Variants in GALNT16 observed in about 807,000 individuals in gnomAD.
GALNT16 encodes UDP-GalNAc:polypeptide N-acetylgalactosaminyltransferase-like protein 1.
Under a neutral mutation model 76.1 loss-of-function variants are expected in GALNT16, and 40 were observed. The ratio of observed to expected loss-of-function variants is 0.53; its 90% CI spans 0.41 to 0.68. GALNT16 has a LOEUF of 0.68. Among genes scored for constraint, GALNT16 ranks in the 30% least tolerant of loss-of-function variants. The pLI is 0.00. For missense variants in GALNT16, 621 were observed against 731.9 expected (o/e 0.85, Z 1.75); for synonymous variants, 276 against 285.2 (o/e 0.97, Z 0.32).
the GALNT16 span, among the ~76,000 whole-genome samples, chr14:69,365,405 C>T: frequency 6.6e-6 from 1 of 152,134 alleles, no homozygotes; most frequent in African/African-American, 2.4e-5. Flanking sequence ...GGCATTGGGT[C>T]TGGCACATGG....
chr14:69,322,199 C>T (rs760629788), intron 2 of GALNT16, among the ~76,000 whole-genome samples: 1 of 152,356 alleles, frequency 6.6e-6, no homozygotes, highest in South Asian at 2.1e-4. Context: ...ACTCCTGCTT[C>T]GCGGCAAGGA....
At position 69,333,814 on chromosome 14, in the gene GALNT16, G is replaced by C. The variant is rs757310099; in HGVS notation, c.967+214G>C. 1.9e-6 allele frequency: 1 copy of C among 529,714 alleles called. No homozygotes were observed. The highest frequency in any genetic ancestry group is 3.3e-6 in the Non-Finnish European group (1 of 303,286). 32.8% of individuals were successfully genotyped at this position (529,714 alleles called of 1,614,324 possible). On this transcript the variant is annotated intron_variant, in intron 9 of 14. Transcript: ENST00000448469. The surrounding 1 kb of genome is among the most constrained non-coding windows in gnomAD (Gnocchi z 4.2). ...ACAGAGAAGTTAAGCAATTTGTCCA[G>C]AGCCACACAGCTAGTAAACAAAGAG...
chr14:69,285,010 T>TC (rs1251829462), intron 1 of GALNT16, among the ~76,000 whole-genome samples: 1 of 151,044 alleles, frequency 6.6e-6, no homozygotes, highest in Non-Finnish European at 1.5e-5. Flanking sequence ...TAAACTTCTT[T>TC]CCTTTATATG....
At chr14:69,290,777 A>G (rs2044678521) in intron 1 of GALNT16, among the ~76,000 whole-genome samples, 1 of 152,210 alleles carries the variant, frequency 6.6e-6, no homozygotes, top group Non-Finnish European at 1.5e-5. Context: ...AGTGTGGCGA[A>G]TGGAAATGCT....
At position 69,325,933 on chromosome 14, in the gene GALNT16, T is replaced by G. The variant is rs769884048; in HGVS notation, c.503-29T>G. The G allele has an allele frequency of 3.1e-6, 5 of 1,597,872 alleles. No individual in the cohort carries two copies. In the South Asian group the frequency reaches 3.3e-5, roughly 11 times the overall value. ...TAGTGGCCTGATGCCCATGTCTAAATGAGCTTGCCTTCCTCTTTGCATCCT... is the reference window on the plus strand; with the variant it reads ...TAGTGGCCTGATGCCCATGTCTAAAGGAGCTTGCCTTCCTCTTTGCATCCT... On this transcript the variant is annotated intron_variant, in intron 4 of 14. Transcript: ENST00000448469.
At chr14:69,297,900 A>G (rs1156961557) in intron 1 of GALNT16, among the ~76,000 whole-genome samples, 1 of 152,172 alleles carries the variant, frequency 6.6e-6, no homozygotes, top group Non-Finnish European at 1.5e-5. Context: ...TGTGTCTTAC[A>G]TACTTTATGT....
At chr14:69,301,857 G>A (rs1462815455) in intron 1 of GALNT16, among the ~76,000 whole-genome samples, 2 of 152,170 alleles carry the variant, frequency 1.3e-5, no homozygotes, top group African/African-American at 2.4e-5. Context: ...GGGCATGGTG[G>A]TGTGCACCTG....
Position 69,261,688 on chromosome 14 carries a change from C to T in GALNT16, c.177+1221C>T, listed in dbSNP as rs2044276079. Reference sequence around the variant, plus strand: ...CGCATCCAGACGCGGATCTGAACCCCAGGAATATCGGGAAGTTCATTGGAG... The same window carrying T: ...CGCATCCAGACGCGGATCTGAACCCTAGGAATATCGGGAAGTTCATTGGAG... On this transcript the variant is annotated intron_variant, in intron 1 of 14. Coordinates refer to ENST00000448469, the MANE Select transcript of GALNT16 (RefSeq NM_001168368.2). The surrounding 1 kb of genome is among the most constrained non-coding windows in gnomAD (Gnocchi z 6.4). 1.3e-5 allele frequency among the ~76,000 whole-genome samples: 2 copies of T among 152,094 alleles called. No homozygotes were observed. Among genetic ancestry groups the T allele is most frequent in the Admixed American group, 6.5e-5 (1 of 15,282 alleles).
At chr14:69,293,692 T>C (rs963418824) in intron 1 of GALNT16, among the ~76,000 whole-genome samples, 1 of 152,162 alleles carries the variant, frequency 6.6e-6, no homozygotes, top group Non-Finnish European at 1.5e-5. Flanking sequence ...AGTTTTCTTA[T>C]TTGTAAAATG....
intron 12 of GALNT16, among the ~76,000 whole-genome samples, chr14:69,342,536 AAAAG>A (rs2045507625): frequency 7.2e-6 from 1 of 138,598 alleles, no homozygotes. Flanking sequence ...AGAGGAAAAG[AAAAG>A]AAAAGGAGAG....
downstream of GALNT16, chr14:69,354,985 G>C (rs1274334483): frequency 2.0e-5 from 3 of 152,220 alleles, no homozygotes; most frequent in Non-Finnish European, 4.4e-5. Flanking sequence ...TCTGAAAAGA[G>C]TCTTACCAGA....
intron 1 of GALNT16, among the ~76,000 whole-genome samples, chr14:69,303,263 G>A (rs1401439977): frequency 1.3e-5 from 2 of 152,162 alleles, no homozygotes; most frequent in Non-Finnish European, 2.9e-5. Context: ...CCTCCAGGTG[G>A]GATCCAAGAT....
intron 1 of GALNT16, among the ~76,000 whole-genome samples, chr14:69,303,013 T>C (rs2044875408): frequency 6.6e-6 from 1 of 152,224 alleles, no homozygotes; most frequent in Non-Finnish European, 1.5e-5. Context: ...ATTTCCAATA[T>C]CTTACTAAGA....
Position 69,333,287 on chromosome 14 carries a change from G to A in GALNT16, c.863+118G>A. ...CTGAGGCGCACTAAGTGCTGACTCT[G>A]TTCTGGGCCTTCGGACCCTGTATGC... is the stretch of plus-strand genomic sequence containing the variant. On this transcript the variant is annotated intron_variant, in intron 8 of 14. Transcript: ENST00000448469. The surrounding 1 kb of genome is among the most constrained non-coding windows in gnomAD (Gnocchi z 4.2). 1 of 742,778 alleles carries A rather than the reference G, an allele frequency of 1.3e-6. No individual in the cohort carries two copies. Among genetic ancestry groups the A allele is most frequent in the East Asian group, 2.6e-5 (1 of 37,884 alleles). 46.0% of individuals were successfully genotyped at this position (742,778 alleles called of 1,614,324 possible).
chr14:69,277,188 G>T (rs1402125912), intron 1 of GALNT16, among the ~76,000 whole-genome samples: 1 of 152,186 alleles, frequency 6.6e-6, no homozygotes, highest in Non-Finnish European at 1.5e-5. Context: ...AAAGGTATGA[G>T]ATCAAAGACA....
chr14:69,355,058 A>C (rs1470924554), downstream of GALNT16: 1 of 152,154 alleles, frequency 6.6e-6, no homozygotes, highest in South Asian at 2.1e-4. Flanking sequence ...CCAATGGAAA[A>C]CCCCCACCAT....
intron 1 of GALNT16, among the ~76,000 whole-genome samples, chr14:69,272,360 CATAAATAA>C (rs1266215970): frequency 1.3e-5 from 2 of 151,884 alleles, no homozygotes; most frequent in African/African-American, 2.4e-5. Flanking sequence ...AAGACTCTGT[CATAAATAA>C]ATAAATAAAT....
At chr14:69,360,734 G>T (rs1452672265), downstream of GALNT16, among the ~76,000 whole-genome samples, 1 of 152,236 alleles carries the variant, frequency 6.6e-6, no homozygotes, top group African/African-American at 2.4e-5. Context: ...GCCCCACTCA[G>T]ACCTACTGAA....
intron 1 of GALNT16, among the ~76,000 whole-genome samples, chr14:69,316,477 A>T (rs1293966094): frequency 6.6e-6 from 1 of 152,204 alleles, no homozygotes; most frequent in African/African-American, 2.4e-5. Flanking sequence ...TGAGATTGCA[A>T]TGAGTGCCTT....
Sources: gnomAD v4.1 joint callset for allele counts (sites outside exome capture counted in the v4.1 genomes callset) on GRCh38, gnomAD v4.1.1 for gene constraint, Gnocchi (gnomAD v3.1) non-coding constraint, MANE v1.5 for transcripts, NCBI Gene and HGNC (gene_info 2026-07-23, HGNC 2026-07-21) for gene names.